Variants in LAMC3 observed in about 807,000 individuals in gnomAD.
LAMC3 encodes the protein laminin subunit gamma-3.
In LAMC3, 128 loss-of-function variants were observed where a neutral mutation model predicts 173.8. That is an observed-to-expected ratio of 0.74 (90% CI 0.64 to 0.85). The LOEUF is 0.85. LAMC3 is among the 40% of genes least tolerant of loss of function. The pLI is 0.00. For missense variants in LAMC3, 2,022 were observed against 2,156.0 expected (o/e 0.94, Z 1.23); for synonymous variants, 897 against 909.1 (o/e 0.99, Z 0.24).
chr9:131,049,596 A>G (rs1205503157), intron 9 of LAMC3, among the ~76,000 whole-genome samples: 1 of 152,170 alleles, frequency 6.6e-6, no homozygotes, highest in East Asian at 1.9e-4. Context: ...TCCAGGGATT[A>G]GAATGTGGAT....
In LAMC3 at chr9:131,091,815, C is replaced by T. The variant is rs576286545; in HGVS notation, c.*28C>T. ...GCTGCCCAGATCCCCGGCACACACT[C>T]CCCCACCTGCTGTTTACATGACCCA... On this transcript the variant is annotated 3_prime_UTR_variant, in exon 28 of 28. Coordinates refer to ENST00000361069, the MANE Select transcript of LAMC3 (RefSeq NM_006059.4). 2.1e-5 allele frequency: 34 copies of T among 1,609,200 alleles called. No homozygotes were observed. In the East Asian group the frequency reaches 6.9e-4, roughly 33 times the overall value.
chr9:131,061,003 G>T (rs1829798689), intron 12 of LAMC3, 32 bp from the exon 13 acceptor site: 1 of 1,611,592 alleles, frequency 6.2e-7, no homozygotes, highest in Non-Finnish European at 8.5e-7. Context: ...GGCATTCTGG[G>T]TTCAGACAGT....
chr9:131,055,511 G>T (rs1253542720), intron 11 of LAMC3, among the ~76,000 whole-genome samples: 1 of 134,456 alleles, frequency 7.4e-6, no homozygotes, highest in South Asian at 2.4e-4. Context: ...TGCAAGCTCC[G>T]CCTCCCGGGT....
At chr9:131,053,992 G>A (rs1202612202) in intron 11 of LAMC3, among the ~76,000 whole-genome samples, 1 of 150,220 alleles carries the variant, frequency 6.7e-6, no homozygotes, top group African/African-American at 2.4e-5. Flanking sequence ...GACAAAGCGA[G>A]ACCTTGTCTC....
chr9:131,031,921 G>A (rs891486728), intron 2 of LAMC3, 124 bp from the exon 3 acceptor site: 4 of 1,558,644 alleles, frequency 2.6e-6, no homozygotes, highest in Non-Finnish European at 3.5e-6. Flanking sequence ...ATTGGCCTGA[G>A]CTCGGCCTGT....
At chr9:131,031,849 C>G (rs549945357) in intron 2 of LAMC3, among the ~76,000 whole-genome samples, 196 bp from the exon 3 acceptor site, 2 of 152,308 alleles carry the variant, frequency 1.3e-5, no homozygotes, top group Admixed American at 6.5e-5. Flanking sequence ...AATCAGTAGC[C>G]TAGCACCCAG....
intron 24 of LAMC3, among the ~76,000 whole-genome samples, chr9:131,084,245 C>G (rs892976778): frequency 6.6e-6 from 1 of 151,994 alleles, no homozygotes; most frequent in Non-Finnish European, 1.5e-5. Context: ...GGGTCTCACT[C>G]TGTCACCCAG....
rs145888529 is a variant in LAMC3, at chr9:131,038,937, G to T, written c.1050G>T (p.Gly350=). The stretch of plus-strand genomic sequence containing the variant: ...TCTTCCGCAGCACAGGCCACGGCGG[G>T]CGCTGTCACCACTGCCGTGACCACA... ...RELFRSTGHG[G]RCHHCRDHTA... is the part of the protein sequence containing the mutation. Residue 350 remains glycine, a synonymous_variant, in exon 5 of 28, where the codon GGG becomes GGT. Transcript: ENST00000361069. 3.7e-6 allele frequency: 6 copies of T among 1,613,076 alleles called. No homozygotes were observed. The East Asian group carries it at 1.3e-4, about 36-fold the overall frequency.
intron 6 of LAMC3, among the ~76,000 whole-genome samples, chr9:131,041,118 GC>G (rs756122187): frequency 7.2e-5 from 11 of 152,208 alleles, no homozygotes; most frequent in Admixed American, 3.9e-4. Flanking sequence ...TGTAATCCTG[GC>G]ACTTTGGGAG....
At chr9:131,052,730 G>A (rs1834316260) in intron 10 of LAMC3, 47 bp downstream of exon 10, 25 of 1,551,046 alleles carry the variant, frequency 1.6e-5, no homozygotes, top group Non-Finnish European at 2.2e-5. Flanking sequence ...GAGAGGGGTG[G>A]TCTCTGAGGT....
chr9:131,071,883 G>A (rs546373502), intron 18 of LAMC3, among the ~76,000 whole-genome samples: 13 of 152,316 alleles, frequency 8.5e-5, no homozygotes, highest in Admixed American at 2.0e-4. Context: ...GTCATGAGGC[G>A]CTGCTTCAGA....
chr9:131,054,823 A>G (rs1332357885), intron 11 of LAMC3, among the ~76,000 whole-genome samples: 2 of 104,288 alleles, frequency 1.9e-5, no homozygotes, highest in Admixed American at 1.6e-4. Context: ...AGAGAAAGAA[A>G]GAAGAAGGGA....
intron 1 of LAMC3, among the ~76,000 whole-genome samples, chr9:131,018,300 A>G (rs1422922577): frequency 6.6e-6 from 1 of 151,346 alleles, no homozygotes; most frequent in East Asian, 2.0e-4. Context: ...ATGCCCGGCT[A>G]ATTTTTTGTA....
At chr9:131,084,165 A>G (rs777186885) in intron 24 of LAMC3, among the ~76,000 whole-genome samples, 2 of 151,338 alleles carry the variant, frequency 1.3e-5, no homozygotes, top group Non-Finnish European at 2.9e-5. Flanking sequence ...TTACAGGCGT[A>G]AGTCACCGTG....
rs1418723367 is a variant in LAMC3, at chr9:131,009,293, G to A, written c.79G>A (p.Asp27Asn). Residue 27 changes from aspartate to asparagine, a missense_variant, in exon 1 of 28, where the codon GAC (aspartate) becomes AAC (asparagine). Transcript: ENST00000361069. The surrounding 1 kb of genome is among the most constrained non-coding windows in gnomAD (Gnocchi z 4.3). Reference protein sequence around the residue: ...AAGAGMGACYDGAGRPQRCLP... With the variant: ...AAGAGMGACYNGAGRPQRCLP... ...CGGCGCGGGCATGGGCGCGTGCTAT[G>A]ACGGCGCAGGGCGCCCGCAGCGCTG... 15 of 1,422,970 alleles carry A rather than the reference G, an allele frequency of 1.1e-5. No homozygotes were observed. The highest frequency in any genetic ancestry group is 2.5e-4 in the Middle Eastern group (1 of 4,028). The allele number at this position is 1,422,970 out of a possible 1,614,324, so 88.1% of individuals were successfully genotyped here.
intron 8 of LAMC3, among the ~76,000 whole-genome samples, chr9:131,047,438 A>C (rs1001825860): frequency 6.2e-5 from 9 of 145,236 alleles, no homozygotes; most frequent in Admixed American, 4.1e-4. Context: ...GAGTGCTGGG[A>C]TTACAGGTGT....
At chr9:131,066,212 C>T (rs1044355068) in intron 13 of LAMC3, among the ~76,000 whole-genome samples, 22 of 150,902 alleles carry the variant, frequency 1.5e-4, no homozygotes, top group African/African-American at 4.9e-4. Flanking sequence ...TAAAAATAGC[C>T]GGTTGTGGTG....
At chr9:131,021,316 T>G (rs1833620289) in intron 1 of LAMC3, 1 of 152,128 alleles carries the variant, frequency 6.6e-6, no homozygotes, top group Non-Finnish European at 1.5e-5. Flanking sequence ...TTGTTTTTAG[T>G]TTTTTCGGGA....
chr9:131,044,685 A>G (rs1834117433), intron 7 of LAMC3, among the ~76,000 whole-genome samples: 1 of 152,198 alleles, frequency 6.6e-6, no homozygotes. Context: ...TATGACGAGA[A>G]GGGTACTTCA....
Sources: gnomAD v4.1 joint callset for allele counts (sites outside exome capture counted in the v4.1 genomes callset) on GRCh38, gnomAD v4.1.1 for gene constraint, Gnocchi (gnomAD v3.1) non-coding constraint, MANE v1.5 for transcripts, NCBI Gene and HGNC (gene_info 2026-07-23, HGNC 2026-07-21) for gene names.